Variants in ERBB4 observed in about 807,000 individuals in gnomAD.
The protein encoded by ERBB4 is erb-b2 receptor tyrosine kinase 4.
A neutral mutation model predicts 158.0 loss-of-function variants in ERBB4; 42 were observed. The observed-to-expected ratio is 0.27, with a 90% CI of 0.21 to 0.34. The LOEUF is 0.34. ERBB4 is among the 10% of genes least tolerant of loss of function. ERBB4 has a pLI of 1.00. For synonymous variants in ERBB4, 583 were observed against 558.7 expected (o/e 1.04, Z -0.61); for missense variants, 1,333 against 1,624.1 (o/e 0.82, Z 3.08).
intron 1 of ERBB4, among the ~76,000 whole-genome samples, chr2:212,153,263 C>T (rs2080927963): frequency 6.6e-6 from 1 of 152,088 alleles, no homozygotes; most frequent in Non-Finnish European, 1.5e-5. Flanking sequence ...GTACTTTAAA[C>T]CCATATTAAC....
intron 2 of ERBB4, among the ~76,000 whole-genome samples, chr2:211,949,622 T>C (rs1342813684): frequency 6.6e-6 from 1 of 152,226 alleles, no homozygotes; most frequent in Non-Finnish European, 1.5e-5. Flanking sequence ...GGAACTGCAG[T>C]GTATGATCTA....
At chr2:212,381,348 G>GCA (rs1175620900) in intron 1 of ERBB4, among the ~76,000 whole-genome samples, 1 of 151,272 alleles carries the variant, frequency 6.6e-6, no homozygotes, top group Non-Finnish European at 1.5e-5. Flanking sequence ...TTGGAAAGGT[G>GCA]CACTGAGGTT....
At chr2:211,390,460 G>T (rs2062777520) in intron 25 of ERBB4, among the ~76,000 whole-genome samples, 1 of 152,178 alleles carries the variant, frequency 6.6e-6, no homozygotes, top group South Asian at 2.1e-4. Context: ...GCTGTACTGG[G>T]TAATGTTTGA....
intron 1 of ERBB4, among the ~76,000 whole-genome samples, chr2:212,188,968 A>G (rs1181331617): frequency 6.6e-6 from 1 of 151,134 alleles, no homozygotes; most frequent in Non-Finnish European, 1.5e-5. Context: ...TTTTCTATAC[A>G]TGTAGTCAAA....
chr2:212,456,732 A>G (rs753787121), intron 1 of ERBB4, among the ~76,000 whole-genome samples: 2 of 152,010 alleles, frequency 1.3e-5, no homozygotes, highest in Non-Finnish European at 2.9e-5. Context: ...AGAGCAAGAA[A>G]TGTTTTTTAT....
chr2:212,058,566 G>A (rs1418842740), intron 2 of ERBB4, among the ~76,000 whole-genome samples: 1 of 152,104 alleles, frequency 6.6e-6, no homozygotes, highest in African/African-American at 2.4e-5. Context: ...ACTGAATCCA[G>A]CAGCACATCA....
At chr2:212,241,758 T>C (rs533129576) in intron 1 of ERBB4, among the ~76,000 whole-genome samples, 3 of 152,292 alleles carry the variant, frequency 2.0e-5, no homozygotes, top group African/African-American at 7.2e-5. Context: ...CTATTTTCCA[T>C]TTAAAACCTC....
chr2:211,861,017 TA>T (rs2078004959), intron 3 of ERBB4, among the ~76,000 whole-genome samples: 1 of 10,378 alleles, frequency 9.6e-5, no homozygotes, highest in African/African-American at 9.6e-4. Context: ...TTTATATATT[TA>T]TATATATATA....
intron 12 of ERBB4, among the ~76,000 whole-genome samples, chr2:211,680,003 C>T (rs1434763628): frequency 2.0e-5 from 3 of 152,176 alleles, no homozygotes; most frequent in Admixed American, 2.0e-4. Flanking sequence ...CTACAGGACC[C>T]TGCTGTATTC....
At chr2:212,160,091 C>T (rs144111752) in intron 1 of ERBB4, among the ~76,000 whole-genome samples, 21 of 152,054 alleles carry the variant, frequency 1.4e-4, no homozygotes, top group African/African-American at 2.9e-4. Flanking sequence ...TCCTATTCTC[C>T]GGCTAAACCC....
At chr2:211,405,896 T>A (rs767459009) in intron 25 of ERBB4, among the ~76,000 whole-genome samples, 6 of 152,172 alleles carry the variant, frequency 3.9e-5, no homozygotes, top group Non-Finnish European at 7.4e-5. Flanking sequence ...GTATTAATAG[T>A]AACGTTAACG....
At chr2:211,426,604 C>T (rs1375011279) in intron 22 of ERBB4, among the ~76,000 whole-genome samples, 2 of 151,872 alleles carry the variant, frequency 1.3e-5, no homozygotes, top group African/African-American at 4.8e-5. Flanking sequence ...AAGATTTTCC[C>T]CAAAAGACAA....
chr2:211,435,102 C>A (rs1182036002), intron 20 of ERBB4, among the ~76,000 whole-genome samples: 1 of 152,150 alleles, frequency 6.6e-6, no homozygotes, highest in African/African-American at 2.4e-5. Context: ...TGTCATGCAA[C>A]TAAGGTGGCA....
At chr2:212,202,905 C>G (rs2082629332) in intron 1 of ERBB4, among the ~76,000 whole-genome samples, 1 of 151,740 alleles carries the variant, frequency 6.6e-6, no homozygotes, top group South Asian at 2.1e-4. Flanking sequence ...AGTTTTTACA[C>G]ATCGGCTAAT....
intron 3 of ERBB4, among the ~76,000 whole-genome samples, chr2:211,808,363 G>C (rs982255179): frequency 1.3e-5 from 2 of 152,008 alleles, no homozygotes; most frequent in African/African-American, 2.4e-5. Flanking sequence ...AGTTTTCCCA[G>C]CACCATTTAT....
chr2:212,317,841 A>G (rs1393054592), intron 1 of ERBB4, among the ~76,000 whole-genome samples: 1 of 151,148 alleles, frequency 6.6e-6, no homozygotes, highest in African/African-American at 2.4e-5. Flanking sequence ...ATGAAAAAAA[A>G]TTCTTTAAAT....
At chr2:211,554,070 C>G (rs1559290008) in intron 20 of ERBB4, among the ~76,000 whole-genome samples, 2 of 152,284 alleles carry the variant, frequency 1.3e-5, no homozygotes, top group South Asian at 4.1e-4. Flanking sequence ...GACACAACTA[C>G]AGATAAAATG....
intron 3 of ERBB4, among the ~76,000 whole-genome samples, chr2:211,894,183 T>G (rs2079042571): frequency 8.9e-6 from 1 of 112,858 alleles, no homozygotes; most frequent in South Asian, 3.6e-4. Context: ...AATGATAGAC[T>G]GGATTAAGAA....
chr2:211,462,384 C>T lies in ERBB4; in HGVS notation c.2488-31284G>A, dbSNP rs16846219. Among the ~76,000 whole-genome samples, 588 of 152,058 alleles carry T rather than the reference C, an allele frequency of 3.9e-3. 5 individuals are homozygous for T. Among genetic ancestry groups the T allele is most frequent in the African/African-American group, 0.014 (567 of 41,484 alleles). ...GCTGGGACAGAGATCCAAACCATATCGGAGTGATTGTATGTTATTTTTTAA... is the reference window on the plus strand; with the variant it reads ...GCTGGGACAGAGATCCAAACCATATTGGAGTGATTGTATGTTATTTTTTAA... On this transcript the variant is annotated intron_variant, in intron 20 of 27. Coordinates refer to ENST00000342788, the MANE Select transcript of ERBB4 (RefSeq NM_005235.3).
Sources: gnomAD v4.1 joint callset for allele counts (sites outside exome capture counted in the v4.1 genomes callset) on GRCh38, gnomAD v4.1.1 for gene constraint, MANE v1.5 for transcripts, NCBI Gene and HGNC (gene_info 2026-07-23, HGNC 2026-07-21) for gene names.